The following ROBO1 variants were observed in gnomAD, a reference collection of about 807,000 sequenced individuals.
The protein encoded by ROBO1 is roundabout guidance receptor 1.
Under a neutral mutation model 195.9 loss-of-function variants are expected in ROBO1, and 149 were observed. The ratio of observed to expected loss-of-function variants is 0.76; its 90% CI spans 0.67 to 0.87. ROBO1 has a LOEUF of 0.87. Among genes scored for constraint, ROBO1 ranks in the 40% least tolerant of loss-of-function variants. The probability of loss-of-function intolerance (pLI) is 0.00; values close to 1 mark genes in which losing one functional copy is unlikely to be tolerated. For missense variants in ROBO1, 1,933 were observed against 2,068.3 expected (o/e 0.93, Z 1.27); for synonymous variants, 816 against 733.2 (o/e 1.11, Z -1.82).
intron 2 of ROBO1, among the ~76,000 whole-genome samples, chr3:79,166,186 A>G (rs114004371): frequency 0.019 from 2,934 of 152,304 alleles, 53 homozygotes; most frequent in Middle Eastern, 0.024. Flanking sequence ...AAAGTAATGT[A>G]AGACTTGATG....
intron 1 of ROBO1, among the ~76,000 whole-genome samples, chr3:79,712,089 C>T (rs1403046747): frequency 6.6e-6 from 1 of 151,966 alleles, no homozygotes; most frequent in African/African-American, 2.4e-5. Flanking sequence ...ATATTGAAAC[C>T]AGAACAACGA....
intron 1 of ROBO1, among the ~76,000 whole-genome samples, chr3:79,692,281 T>A (rs7428347): frequency 0.29 from 43,704 of 151,732 alleles, 7,662 homozygotes; most frequent in East Asian, 0.53. Context: ...ACAGGCTTTA[T>A]AGGACCATGT....
chr3:78,717,339 C>A lies in ROBO1; in HGVS notation c.853G>T (p.Ala285Ser), dbSNP rs1301557424. The A allele has an allele frequency of 1.2e-6, 2 of 1,612,384 alleles. No individual in the cohort carries two copies. Among genetic ancestry groups the A allele is most frequent in the East Asian group, 4.5e-5 (2 of 44,834 alleles). ...VDDSAEFKCE[A>S]RGDPVPTVRW... ...ACTGTAGGTACAGGGTCACCTCGGGCCTCACATTTAAATTCTGCACTGTCA... is the reference window on the plus strand; with the variant it reads ...ACTGTAGGTACAGGGTCACCTCGGGACTCACATTTAAATTCTGCACTGTCA... Residue 285 changes from alanine to serine, a missense_variant, in exon 7 of 31, where the codon GCC (alanine) becomes TCC (serine). By Grantham distance (99) the Ala-to-Ser change is moderately conservative. This residue lies in a region of ROBO1 where 1,737 missense variants were observed against 1,882.5 expected (regional missense o/e 0.92). Transcript: ENST00000464233.
intron 4 of ROBO1, among the ~76,000 whole-genome samples, chr3:78,863,128 A>C (rs910725709): frequency 1.3e-5 from 2 of 152,184 alleles, no homozygotes; most frequent in Non-Finnish European, 2.9e-5. Context: ...TGTATGGCAT[A>C]TCTCATTTAA....
intron 4 of ROBO1, among the ~76,000 whole-genome samples, chr3:78,824,893 T>C (rs2108700653): frequency 6.6e-6 from 1 of 152,320 alleles, no homozygotes; most frequent in Non-Finnish European, 1.5e-5. Context: ...CTTTTTGTTC[T>C]GCTTCTGCGC....
intron 4 of ROBO1, among the ~76,000 whole-genome samples, chr3:78,827,626 A>C (rs1046429664): frequency 6.6e-6 from 1 of 152,158 alleles, no homozygotes; most frequent in African/African-American, 2.4e-5. Flanking sequence ...AGAGAGATTC[A>C]TTTTAAACAA....
chr3:79,762,248 G>T (rs1009347445), intron 1 of ROBO1, among the ~76,000 whole-genome samples: 2 of 151,798 alleles, frequency 1.3e-5, no homozygotes, highest in South Asian at 2.1e-4. Context: ...ATGTTTAGTC[G>T]GGGGGGAAGG....
At chr3:78,767,504 G>C (rs918655503) in intron 4 of ROBO1, among the ~76,000 whole-genome samples, 1 of 150,774 alleles carries the variant, frequency 6.6e-6, no homozygotes, top group East Asian at 1.9e-4. Flanking sequence ...GGCCTCAAGC[G>C]ACTCACCTGC....
At chr3:79,268,463 C>T (rs1298143093) in intron 2 of ROBO1, among the ~76,000 whole-genome samples, 3 of 151,538 alleles carry the variant, frequency 2.0e-5, no homozygotes, top group African/African-American at 7.3e-5. Flanking sequence ...ATGATGAAGA[C>T]GTTAACAATA....
intron 10 of ROBO1, among the ~76,000 whole-genome samples, chr3:78,679,084 A>G (rs1002484823): frequency 5.3e-5 from 8 of 152,202 alleles, no homozygotes; most frequent in Non-Finnish European, 1.0e-4. Flanking sequence ...CCACATGACT[A>G]TCTCAATAGA....
chr3:79,444,435 C>T (rs1450862240), intron 2 of ROBO1, among the ~76,000 whole-genome samples: 1 of 151,938 alleles, frequency 6.6e-6, no homozygotes, highest in African/African-American at 2.4e-5. Flanking sequence ...ACCAGATTGG[C>T]AAAAATGTAA....
chr3:79,246,732 G>A, intron 2 of ROBO1, among the ~76,000 whole-genome samples: 1 of 152,092 alleles, frequency 6.6e-6, no homozygotes, highest in South Asian at 2.1e-4. Context: ...TATATAACTA[G>A]AACCTGTGGA....
chr3:79,543,196 T>C (rs537794653), intron 2 of ROBO1, among the ~76,000 whole-genome samples: 4 of 151,986 alleles, frequency 2.6e-5, no homozygotes, highest in Non-Finnish European at 4.4e-5. Context: ...TGGAATCACT[T>C]TGGGTAATAT....
chr3:79,223,620 A>T (rs545593048), intron 2 of ROBO1, among the ~76,000 whole-genome samples: 2 of 152,280 alleles, frequency 1.3e-5, no homozygotes, highest in East Asian at 3.9e-4. Flanking sequence ...ATCCATATTT[A>T]TCTTTCCAGG....
chr3:79,209,451 G>A (rs1482348227), intron 2 of ROBO1, among the ~76,000 whole-genome samples: 1 of 151,924 alleles, frequency 6.6e-6, no homozygotes, highest in African/African-American at 2.4e-5. Context: ...CTATAAACAT[G>A]CATGTGCAAG....
intron 2 of ROBO1, among the ~76,000 whole-genome samples, chr3:79,303,831 C>G (rs1185773945): frequency 1.3e-5 from 2 of 151,896 alleles, no homozygotes; most frequent in African/African-American, 2.4e-5. Context: ...TCTTTAGATT[C>G]CACATATTAG....
At chr3:79,057,964 A>G (rs1295731251) in intron 3 of ROBO1, among the ~76,000 whole-genome samples, 2 of 152,034 alleles carry the variant, frequency 1.3e-5, no homozygotes. Context: ...ACCTGGTTGT[A>G]TCCATCTAGA....
chr3:79,231,387 TAAA>T (rs1397354419), intron 2 of ROBO1, among the ~76,000 whole-genome samples: 1 of 151,758 alleles, frequency 6.6e-6, no homozygotes, highest in African/African-American at 2.4e-5. Flanking sequence ...CCAACTACGT[TAAA>T]AAGAAGGCAA....
intron 3 of ROBO1, among the ~76,000 whole-genome samples, chr3:78,954,938 C>T (rs13321973): frequency 0.15 from 21,195 of 139,282 alleles, 2,173 homozygotes; most frequent in African/African-American, 0.31. Context: ...ATCTTACTTT[C>T]GTGTTTAAAA....
Sources: allele counts gnomAD v4.1 joint callset (sites outside exome capture counted in the v4.1 genomes callset), GRCh38; gene constraint gnomAD v4.1.1; regional missense constraint gnomAD v4.1.1; transcripts MANE v1.5; gene names NCBI Gene and HGNC (gene_info 2026-07-23, HGNC 2026-07-21).